The following LAMA4 variants were observed in gnomAD, a reference collection of about 807,000 sequenced individuals.
The protein encoded by LAMA4 is laminin subunit alpha 4, also known as laminin subunit alpha-4.
LAMA4 carries 127 observed loss-of-function variants against 207.1 expected under a neutral mutation model. The ratio of observed to expected loss-of-function variants is 0.61; its 90% CI spans 0.53 to 0.71. The LOEUF is 0.71. Ranked by LOEUF, LAMA4 falls within the 30% of genes least tolerant of loss-of-function variation. The pLI, the probability that LAMA4 is intolerant of heterozygous loss-of-function variation, is 0.00. For missense variants in LAMA4, 2,093 were observed against 2,246.5 expected (o/e 0.93, Z 1.38); for synonymous variants, 761 against 816.0 (o/e 0.93, Z 1.15).
chr6:112,205,819 G>C (rs1399752572), intron 4 of LAMA4, among the ~76,000 whole-genome samples: 4 of 152,094 alleles, frequency 2.6e-5, no homozygotes, highest in South Asian at 4.2e-4. Context: ...CCAACCTCCA[G>C]GGAGGAGAGG....
In LAMA4 at chr6:112,224,605, A is replaced by C. The variant is rs113475438; in HGVS notation, c.196-8136T>G. Among the ~76,000 whole-genome samples, 1,244 of 152,042 alleles carry C rather than the reference A, an allele frequency of 8.2e-3. 25 individuals are homozygous for C. Among genetic ancestry groups the C allele is most frequent in the African/African-American group, 0.028 (1,155 of 41,486 alleles). On this transcript the variant is annotated intron_variant, in intron 2 of 38. Transcript: ENST00000230538. ...CTGAGGCAGGTAGATCACTTGAGGT[A>C]AGGAGTTTGAGACCAGCCTGGCCAA...
Position 112,118,887 on chromosome 6 carries a change from T to C in LAMA4, c.4821+269A>G, listed in dbSNP as rs1778183184. ...TACTTCCTGAACAAATAAGATCTCCTTGAGACATAAATTTTCATGATAATT... is the reference window on the plus strand; with the variant it reads ...TACTTCCTGAACAAATAAGATCTCCCTGAGACATAAATTTTCATGATAATT... On this transcript the variant is annotated intron_variant, in intron 34 of 38. Coordinates refer to ENST00000230538, the MANE Select transcript of LAMA4 (RefSeq NM_001105206.3). The surrounding 1 kb of genome is among the most constrained non-coding windows in gnomAD (Gnocchi z 4.6). Among the ~76,000 whole-genome samples the C allele has an allele frequency of 1.3e-5, 2 of 152,198 alleles. No homozygotes were observed. The highest frequency in any genetic ancestry group is 2.1e-4 in the South Asian group (1 of 4,824).
At chr6:112,211,766 G>A (rs1333202438) in intron 3 of LAMA4, among the ~76,000 whole-genome samples, 2 of 152,238 alleles carry the variant, frequency 1.3e-5, no homozygotes, top group Non-Finnish European at 2.9e-5. Flanking sequence ...TCAGGCACAA[G>A]AGAGTGAAAG....
At chr6:112,213,101 A>G (rs868933105) in intron 3 of LAMA4, among the ~76,000 whole-genome samples, 4 of 152,324 alleles carry the variant, frequency 2.6e-5, no homozygotes, top group Admixed American at 6.5e-5. Flanking sequence ...AAATTAATGG[A>G]CAAATTAATG....
At chr6:112,150,359 CT>C (rs1323238969) in intron 17 of LAMA4, 151 bp downstream of exon 17, 28 of 728,246 alleles carry the variant, frequency 3.8e-5, no homozygotes, top group East Asian at 1.0e-4. Flanking sequence ...TTTTCTAGAA[CT>C]TTTTTTTGTG....
In LAMA4 at chr6:112,178,246, G is replaced by A. The variant is rs397516714; in HGVS notation, c.1078-14C>T. On this transcript the variant is annotated splice_polypyrimidine_tract_variant and intron_variant, in intron 9 of 38. Coordinates refer to ENST00000230538, the MANE Select transcript of LAMA4 (RefSeq NM_001105206.3). Reference sequence around the variant, plus strand: ...GGCTTGATTTTCCTACAAATAATCCGTATAAAGGCTAGATTAAATGTATGA... The same window carrying A: ...GGCTTGATTTTCCTACAAATAATCCATATAAAGGCTAGATTAAATGTATGA... 3.2e-4 allele frequency: 498 copies of A among 1,559,658 alleles called. 2 individuals carry two copies. In the South Asian group the frequency reaches 5.1e-3, roughly 16 times the overall value.
chr6:112,127,679 T>A (rs1554328133), intron 31 of LAMA4, among the ~76,000 whole-genome samples: 1 of 152,158 alleles, frequency 6.6e-6, no homozygotes, highest in Non-Finnish European at 1.5e-5. Context: ...TATAAGGATC[T>A]GACTGTAGGG....
intron 2 of LAMA4, among the ~76,000 whole-genome samples, chr6:112,242,880 A>G (rs1468850097): frequency 2.0e-5 from 3 of 152,200 alleles, no homozygotes; most frequent in Non-Finnish European, 2.9e-5. Context: ...ATGATTAATA[A>G]TCTGTCACTG....
rs145894523 is a variant in LAMA4, at chr6:112,200,157, C to T, written c.503+1451G>A. 455 of 533,178 alleles carry T rather than the reference C, an allele frequency of 8.5e-4. 1 individual carries two copies. Among genetic ancestry groups the T allele is most frequent in the African/African-American group, 7.9e-3 (410 of 52,034 alleles). The allele number at this position is 533,178 out of a possible 1,614,324, so 33.0% of individuals were successfully genotyped here. A position where few individuals can be genotyped will look rare whatever the true frequency, so the allele number is the denominator to read the frequency against. ...CCGAGTCATTCAGTGGAAAGCCTCT[C>T]GTGCTCTGTGGAGAAGGCCTTTCTT... On this transcript the variant is annotated intron_variant, in intron 5 of 38. Coordinates refer to ENST00000230538, the MANE Select transcript of LAMA4 (RefSeq NM_001105206.3).
In LAMA4 at chr6:112,158,873, G is replaced by A; in HGVS notation, c.1676C>T (p.Ser559Leu). The A allele has an allele frequency of 6.2e-7, 1 of 1,609,518 alleles. No individual in the cohort carries two copies. Among genetic ancestry groups the A allele is most frequent in the South Asian group, 1.1e-5 (1 of 90,836 alleles). Residue 559 changes from serine to leucine, a missense_variant, in exon 14 of 39, where the codon TCA (serine) becomes TTA (leucine). By Grantham distance (145) the Ser-to-Leu change is moderately radical (BLOSUM62 -2). Transcript: ENST00000230538. Reference protein sequence around the residue: ...SELDDIIKNASGIYAEIDGAK... With the variant: ...SELDDIIKNALGIYAEIDGAK... ...TCCATCTATTTCTGCATAAATCCCT[G>A]ACGCATTCTAAAGAAAAAAATTTTA... is the stretch of plus-strand genomic sequence containing the variant.
intron 20 of LAMA4, 56 bp downstream of exon 20, chr6:112,142,062 AG>A: frequency 6.3e-7 from 1 of 1,594,146 alleles, no homozygotes; most frequent in Non-Finnish European, 8.6e-7. Context: ...TTTAGGCAAG[AG>A]AAAAAGCAGC....
chr6:112,217,418 C>A (rs1045519359), intron 2 of LAMA4, among the ~76,000 whole-genome samples: 1 of 152,192 alleles, frequency 6.6e-6, no homozygotes, highest in African/African-American at 2.4e-5. Context: ...AGATAAGAAT[C>A]TGCTTTGTTT....
In LAMA4 at chr6:112,154,899, C is replaced by G. The variant is rs1196305876; in HGVS notation, c.2008G>C (p.Glu670Gln). Reference protein sequence around the residue: ...TQIIYHKDESENLLNQARELQ... With the variant: ...TQIIYHKDESQNLLNQARELQ... Reference sequence around the variant, plus strand: ...TCTCTGGCTTGATTGAGGAGGTTCTCACTTTCATCTTTATGGTAAATGATT... The same window carrying G: ...TCTCTGGCTTGATTGAGGAGGTTCTGACTTTCATCTTTATGGTAAATGATT... The change falls in exon 16 of 39, where the codon GAG becomes CAG. Residue 670 changes from glutamate (E) to glutamine (Q), a missense_variant. This residue lies in a region of LAMA4 where 1,704 missense variants were observed against 1,788.4 expected (regional missense o/e 0.95). Coordinates refer to ENST00000230538, the MANE Select transcript of LAMA4 (RefSeq NM_001105206.3). 1.2e-6 allele frequency: 2 copies of G among 1,613,460 alleles called. No homozygotes were observed. The highest frequency in any genetic ancestry group is 1.7e-5 in the Admixed American group (1 of 59,994).
intron 2 of LAMA4, among the ~76,000 whole-genome samples, chr6:112,243,089 G>C (rs1204390608): frequency 3.3e-5 from 5 of 152,128 alleles, no homozygotes; most frequent in Admixed American, 3.3e-4. Flanking sequence ...GATAGAGTAG[G>C]GGGTAGCACC....
In LAMA4 at chr6:112,187,343, A is replaced by C. The variant is rs782601153; in HGVS notation, c.966+107T>G. The C allele has an allele frequency of 6.3e-6, 8 of 1,266,798 alleles. No homozygotes were observed. In the Admixed American group the frequency reaches 8.6e-5, roughly 14 times the overall value. 78.5% of individuals were successfully genotyped at this position (1,266,798 alleles called of 1,614,324 possible). ...TAGACCTACAGGTCTAACAACCTGT[A>C]ATACAGGTATGAGACTCAGATACAA... is the stretch of plus-strand genomic sequence containing the variant. On this transcript the variant is annotated intron_variant, in intron 8 of 38. Coordinates refer to ENST00000230538, the MANE Select transcript of LAMA4 (RefSeq NM_001105206.3).
Position 112,139,290 on chromosome 6 carries a change from C to T in LAMA4, c.3112G>A (p.Asp1038Asn). 6.2e-7 allele frequency: 1 copy of T among 1,614,184 alleles called. No individual in the cohort carries two copies. Among genetic ancestry groups the T allele is most frequent in the African/African-American group, 1.3e-5 (1 of 75,066 alleles). Residue 1038 changes from aspartate (D) to asparagine (N), a missense_variant and splice_region_variant, in exon 24 of 39, where the codon GAT becomes AAT. Transcript: ENST00000230538. ...CGACTCTGAGTGAAGGCCAGCTTAT[C>T]TCTGAAATGGAAACACAACGGTCAT... Reference protein sequence around the residue: ...DPSTSVPCARDKLAFTQSRAA... With the variant: ...DPSTSVPCARNKLAFTQSRAA...
chr6:112,197,769 T>C (rs797034040), intron 5 of LAMA4, among the ~76,000 whole-genome samples: 10 of 152,266 alleles, frequency 6.6e-5, no homozygotes, highest in African/African-American at 2.4e-4. Context: ...CCAATTTTCA[T>C]TTTGGAATCT....
At chr6:112,198,210 G>A (rs1487722434) in intron 5 of LAMA4, among the ~76,000 whole-genome samples, 1 of 152,104 alleles carries the variant, frequency 6.6e-6, no homozygotes, top group African/African-American at 2.4e-5. Flanking sequence ...GGTGGTGAAG[G>A]GGAGTTGGGG....
At chr6:112,185,404 T>G in intron 8 of LAMA4, 57 bp from the exon 9 acceptor site, 1 of 987,890 alleles carries the variant, frequency 1.0e-6, no homozygotes, top group Non-Finnish European at 1.6e-6. Flanking sequence ...TTAAAAAATG[T>G]ACATAAAACT....
Sources: allele counts gnomAD v4.1 joint callset (sites outside exome capture counted in the v4.1 genomes callset), GRCh38; gene constraint gnomAD v4.1.1; regional missense constraint gnomAD v4.1.1; non-coding constraint Gnocchi (gnomAD v3.1); transcripts MANE v1.5; gene names NCBI Gene and HGNC (gene_info 2026-07-23, HGNC 2026-07-21).